Variants in PLEKHG1 observed in about 807,000 individuals in gnomAD.
PLEKHG1 encodes pleckstrin homology and RhoGEF domain containing G1, also known as pleckstrin homology domain-containing family G member 1.
PLEKHG1 carries 44 observed loss-of-function variants against 100.8 expected under a neutral mutation model. The observed-to-expected ratio is 0.44, with a 90% CI of 0.34 to 0.56. The LOEUF (loss-of-function observed/expected upper bound fraction) is 0.56. Among genes scored for constraint, PLEKHG1 ranks in the 20% least tolerant of loss-of-function variants. The pLI is 0.01. For missense variants in PLEKHG1, 1,545 were observed against 1,720.9 expected (o/e 0.90, Z 1.81); for synonymous variants, 640 against 662.5 (o/e 0.97, Z 0.52).
In PLEKHG1 at chr6:150,693,385, C is replaced by G. The variant is rs192419228; in HGVS notation, c.-98-40199C>G. On this transcript the variant is annotated intron_variant, in intron 3 of 3. Coordinates refer to the PLEKHG1 transcript ENST00000367326. ...GCTTCTCAACTTTTGGCTTCTCTCTCTGATCATTCTAACTCTGGGACTTGG... is the reference window on the plus strand; with the variant it reads ...GCTTCTCAACTTTTGGCTTCTCTCTGTGATCATTCTAACTCTGGGACTTGG... 8.7e-4 allele frequency among the ~76,000 whole-genome samples: 133 copies of G among 152,348 alleles called. 2 individuals carry two copies. The highest frequency in any genetic ancestry group is 7.2e-3 in the Admixed American group (110 of 15,304).
exon 16 of PLEKHG1, chr6:150,841,068 G>A (rs1231656232): frequency 1.4e-5 from 10 of 702,666 alleles, no homozygotes; most frequent in South Asian, 6.0e-5. Context: ...GATGCAGCCC[G>A]GATTGTACTG....
intron 4 of PLEKHG1, among the ~76,000 whole-genome samples, chr6:150,789,201 A>T (rs893065497): frequency 1.3e-5 from 2 of 152,226 alleles, no homozygotes; most frequent in Non-Finnish European, 2.9e-5. Context: ...TGGCTCTTTC[A>T]TAATTAAATG....
At chr6:150,768,656 A>G in exon 3 of PLEKHG1, 4 of 1,610,186 alleles carry the variant, frequency 2.5e-6, no homozygotes, top group Non-Finnish European at 2.6e-6. Context: ...TGACTGCATC[A>G]GGGACCAAAC....
At chr6:150,654,683 G>A (rs1251454935) in intron 3 of PLEKHG1, among the ~76,000 whole-genome samples, 2 of 152,252 alleles carry the variant, frequency 1.3e-5, no homozygotes, top group East Asian at 3.8e-4. Flanking sequence ...CCCTTCACAT[G>A]TCTTCTAGGT....
intron 2 of PLEKHG1, chr6:150,638,258 A>G (rs1450469114): frequency 6.6e-6 from 1 of 152,360 alleles, no homozygotes; most frequent in Non-Finnish European, 1.5e-5. Flanking sequence ...AGCTCCGGCT[A>G]AGTTAGGTGT....
intron 2 of PLEKHG1, among the ~76,000 whole-genome samples, chr6:150,767,076 A>G (rs1235193116): frequency 6.6e-6 from 1 of 152,264 alleles, no homozygotes; most frequent in African/African-American, 2.4e-5. Flanking sequence ...ATTGAGTATT[A>G]GTCCATCCTT....
intron 3 of PLEKHG1, among the ~76,000 whole-genome samples, chr6:150,702,703 A>G (rs927265216): frequency 2.6e-5 from 4 of 152,216 alleles, no homozygotes; most frequent in African/African-American, 4.8e-5. Flanking sequence ...TAAATAAAAA[A>G]CATAAGCAAA....
At chr6:150,655,007 T>G (rs1378492925) in intron 3 of PLEKHG1, among the ~76,000 whole-genome samples, 1 of 152,240 alleles carries the variant, frequency 6.6e-6, no homozygotes, top group African/African-American at 2.4e-5. Flanking sequence ...TGAAAATGAT[T>G]TTTAAAAATA....
At chr6:150,613,650 G>A (rs1486794561) in intron 1 of PLEKHG1, among the ~76,000 whole-genome samples, 1 of 152,144 alleles carries the variant, frequency 6.6e-6, no homozygotes, top group East Asian at 1.9e-4. Context: ...TTCTGAAGAG[G>A]CTTCCATAGG....
intron 2 of PLEKHG1, among the ~76,000 whole-genome samples, chr6:150,644,222 A>G (rs748612312): frequency 5.9e-5 from 9 of 151,916 alleles, no homozygotes; most frequent in East Asian, 5.8e-4. Flanking sequence ...AAAGAATTAT[A>G]TGTGCCTATA....
chr6:150,641,876 C>CAA (rs71554473), intron 2 of PLEKHG1, among the ~76,000 whole-genome samples: 2,860 of 76,618 alleles, frequency 0.037, 70 homozygotes, highest in African/African-American at 0.066. Flanking sequence ...TGTGAAAAGG[C>CAA]AAAAAAAAAA....
chr6:150,785,642 A>AT (rs925303602), intron 3 of PLEKHG1, among the ~76,000 whole-genome samples: 1 of 151,926 alleles, frequency 6.6e-6, no homozygotes, highest in African/African-American at 2.4e-5. Context: ...CATTAGTGTG[A>AT]TTTTTCATTG....
intron 10 of PLEKHG1, 91 bp downstream of exon 11, chr6:150,809,825 C>A: frequency 6.0e-6 from 5 of 831,336 alleles, no homozygotes; most frequent in Non-Finnish European, 7.7e-6. Context: ...GCCGAGATCA[C>A]ATCATTGAAC....
chr6:150,636,826 T>C (rs977871551), intron 1 of PLEKHG1, among the ~76,000 whole-genome samples: 7 of 152,222 alleles, frequency 4.6e-5, no homozygotes, highest in African/African-American at 1.4e-4. Flanking sequence ...AAAAAACTTA[T>C]TCCTCAAGTA....
intron 1 of PLEKHG1, among the ~76,000 whole-genome samples, chr6:150,623,268 A>G (rs532657209): frequency 6.6e-6 from 1 of 152,272 alleles, no homozygotes; most frequent in South Asian, 2.1e-4. Context: ...GTTTCATTTC[A>G]TTTTGCAAGT....
chr6:150,631,253 GTCTC>G (rs775466269), intron 1 of PLEKHG1, among the ~76,000 whole-genome samples: 1 of 151,642 alleles, frequency 6.6e-6, no homozygotes, highest in Admixed American at 6.6e-5. Flanking sequence ...TTCAATTCCT[GTCTC>G]TCTCTCTCTC....
At chr6:150,702,554 TGG>T (rs1329977970) in intron 3 of PLEKHG1, among the ~76,000 whole-genome samples, 1 of 50,648 alleles carries the variant, frequency 2.0e-5, no homozygotes, top group African/African-American at 8.8e-5. Flanking sequence ...CATTTTGTTT[TGG>T]GGTGTGTGTG....
chr6:150,630,988 C>T (rs1777725183), intron 1 of PLEKHG1, among the ~76,000 whole-genome samples: 2 of 152,106 alleles, frequency 1.3e-5, no homozygotes, highest in African/African-American at 4.8e-5. Flanking sequence ...TCATTGGTGG[C>T]CTTGATAAAC....
At chr6:150,787,824 T>TCACATGTAAAGTGTG (rs1452403590) in intron 4 of PLEKHG1, among the ~76,000 whole-genome samples, 1 of 152,180 alleles carries the variant, frequency 6.6e-6, no homozygotes, top group South Asian at 2.1e-4. Context: ...GTGTGTGTGT[T>TCACATGTAAAGTGTG]CACATGTAAA....
Sources: allele counts gnomAD v4.1 joint callset (sites outside exome capture counted in the v4.1 genomes callset), GRCh38; gene constraint gnomAD v4.1.1; transcripts MANE v1.5; gene names NCBI Gene and HGNC (gene_info 2026-07-23, HGNC 2026-07-21).